DNAH3: variants seen among roughly 807,000 people sequenced by gnomAD.
The protein encoded by DNAH3 is dynein axonemal heavy chain 3.
In DNAH3, 332 loss-of-function variants were observed where a neutral mutation model predicts 432.5. That is an observed-to-expected ratio of 0.77 (90% CI 0.70 to 0.84). DNAH3 has a LOEUF of 0.84. Ranked by LOEUF, DNAH3 falls within the 40% of genes least tolerant of loss-of-function variation. DNAH3 has a pLI of 0.00. For synonymous variants in DNAH3, 1,956 were observed against 1,900.2 expected (o/e 1.03, Z -0.76); for missense variants, 4,861 against 5,114.0 (o/e 0.95, Z 1.51).
intron 32 of DNAH3, among the ~76,000 whole-genome samples, 199 bp from the exon 33 acceptor site, chr16:21,040,142 C>A (rs1340972341): frequency 2.2e-4 from 34 of 152,124 alleles, no homozygotes; most frequent in Admixed American, 2.2e-3. Flanking sequence ...AACCTCCCCA[C>A]TGGCCCTATG....
At chr16:20,960,861 G>C (rs1284012106) in intron 53 of DNAH3, among the ~76,000 whole-genome samples, 2 of 152,212 alleles carry the variant, frequency 1.3e-5, no homozygotes, top group African/African-American at 4.8e-5. Flanking sequence ...ATGAATTTGA[G>C]GAGTGTGAGT....
Position 21,067,243 on chromosome 16 carries a change from G to A in DNAH3, c.3518+40C>T, listed in dbSNP as rs1436876992. On this transcript the variant is annotated intron_variant, in intron 24 of 61. Coordinates refer to ENST00000261383, the Ensembl canonical transcript of DNAH3. ...AAATGTAATTCTACCTACATATGGG[G>A]CAAGAATGTAATTCCAAATAAAAGA... The A allele has an allele frequency of 1.9e-6, 3 of 1,609,430 alleles. No homozygotes were observed. The African/African-American group carries it at 4.0e-5, about 22-fold the overall frequency.
rs778331832 is a variant in DNAH3, at chr16:21,120,844, A to G, written c.1595T>C (p.Ile532Thr). ...AGCAGTGAAGGAGAACTTAAGTGGTATGTATTTCAGCTGTCCCCATACATA... is the reference window on the plus strand; with the variant it reads ...AGCAGTGAAGGAGAACTTAAGTGGTGTGTATTTCAGCTGTCCCCATACATA... Residue 532 changes from isoleucine (I) to threonine (T), a missense_variant, in exon 11 of 62, where the codon ATA (isoleucine) becomes ACA (threonine). Transcript: ENST00000261383. The G allele has an allele frequency of 9.9e-6, 16 of 1,613,612 alleles. No individual in the cohort carries two copies. The highest frequency in any genetic ancestry group is 9.9e-5 in the South Asian group (9 of 91,042).
chr16:21,092,824 A>G (rs748699963), intron 18 of DNAH3, among the ~76,000 whole-genome samples: 1 of 152,094 alleles, frequency 6.6e-6, no homozygotes. Flanking sequence ...AAAAGCTCTG[A>G]ACAAATACCT....
chr16:21,093,724 T>C (rs1226555500), intron 18 of DNAH3, among the ~76,000 whole-genome samples: 1 of 152,206 alleles, frequency 6.6e-6, no homozygotes, highest in African/African-American at 2.4e-5. Context: ...AGTGAAAGGC[T>C]TGACATATAG....
chr16:21,074,809 A>T (rs1328428622), intron 21 of DNAH3, among the ~76,000 whole-genome samples: 2 of 152,228 alleles, frequency 1.3e-5, no homozygotes, highest in Admixed American at 6.5e-5. Context: ...TGCAACCCTC[A>T]TCCCTACCTC....
At chr16:20,945,667 T>A (rs1395888704) in intron 57 of DNAH3, among the ~76,000 whole-genome samples, 2 of 152,170 alleles carry the variant, frequency 1.3e-5, no homozygotes, top group Non-Finnish European at 2.9e-5. Flanking sequence ...ATTTTTTGTA[T>A]TTTTAGTAGC....
chr16:21,026,176 G>A (rs1411395108), intron 38 of DNAH3, among the ~76,000 whole-genome samples: 2 of 152,028 alleles, frequency 1.3e-5, no homozygotes, highest in Non-Finnish European at 2.9e-5. Flanking sequence ...AGAATGGCTG[G>A]CTCTTGGGCA....
chr16:20,948,210 A>G (rs755481892), intron 57 of DNAH3, among the ~76,000 whole-genome samples: 3 of 152,136 alleles, frequency 2.0e-5, no homozygotes, highest in Non-Finnish European at 4.4e-5. Flanking sequence ...GCTCACTTCC[A>G]AGGCTCCATC....
At chr16:21,064,983 T>C (rs929814908) in intron 24 of DNAH3, among the ~76,000 whole-genome samples, 1 of 152,014 alleles carries the variant, frequency 6.6e-6, no homozygotes, top group African/African-American at 2.4e-5. Flanking sequence ...CAATTCTAGC[T>C]TGATCATTTT....
chr16:21,159,276 T>C (rs764731615), intron 1 of DNAH3: 4 of 1,502,118 alleles, frequency 2.7e-6, no homozygotes, highest in Non-Finnish European at 2.8e-6. Context: ...CCCTCTGAGT[T>C]CCCATTATTC....
rs61475224 is a variant in DNAH3 at position 20,984,029 on chromosome 16, G to GAAAAAAAAAAAAA, written c.7665+1035_7665+1047dup. ...GTGACAGAGCAAGACCCTATATCCA[G>GAAAAAAAAAAAAA]AAAAAAAAAAAAAAAAGACAGAAAG... is the stretch of plus-strand genomic sequence containing the variant. On this transcript the variant is annotated intron_variant, in intron 48 of 61. Transcript: ENST00000261383. 3.5e-3 allele frequency among the ~76,000 whole-genome samples: 397 copies of GAAAAAAAAAAAAA among 112,014 alleles called. 4 individuals are homozygous for GAAAAAAAAAAAAA. Among genetic ancestry groups the GAAAAAAAAAAAAA allele is most frequent in the East Asian group, 0.032 (121 of 3,750 alleles). 73.5% of individuals were successfully genotyped at this position (112,014 alleles called of 152,430 possible).
chr16:21,090,055 CATAA>C (rs1462286712), intron 18 of DNAH3, among the ~76,000 whole-genome samples: 1 of 151,360 alleles, frequency 6.6e-6, no homozygotes, highest in African/African-American at 2.4e-5. Flanking sequence ...ACTCAATGTA[CATAA>C]ATTAGACCAT....
chr16:20,972,994 G>A (rs2085414954), intron 51 of DNAH3, among the ~76,000 whole-genome samples: 1 of 152,138 alleles, frequency 6.6e-6, no homozygotes, highest in Non-Finnish European at 1.5e-5. Context: ...CTCCTAAAGT[G>A]TTGGGATTAC....
Position 20,935,491 on chromosome 16 carries a change from G to A in DNAH3, c.11860-6C>T, listed in dbSNP as rs2083554467. On this transcript the variant is annotated splice_region_variant and splice_polypyrimidine_tract_variant and intron_variant, in intron 60 of 61. Coordinates refer to ENST00000261383, the Ensembl canonical transcript of DNAH3. ...GGCCCCTTGTCAATCCATTCCTGGA[G>A]AGCCACAGAAATCAAGATTCAAAAT... is the stretch of plus-strand genomic sequence containing the variant. The A allele has an allele frequency of 2.5e-6, 4 of 1,609,204 alleles. 1 individual carries two copies. Among genetic ancestry groups the A allele is most frequent in the East Asian group, 4.5e-5 (2 of 44,822 alleles).
At chr16:21,141,936 C>T (rs2092724407) in intron 3 of DNAH3, among the ~76,000 whole-genome samples, 1 of 152,074 alleles carries the variant, frequency 6.6e-6, no homozygotes, top group Non-Finnish European at 1.5e-5. Flanking sequence ...CCTGTAGACC[C>T]AGCTACTTGG....
At chr16:21,057,458 T>G (rs858197) in intron 27 of DNAH3, among the ~76,000 whole-genome samples, 37,325 of 152,000 alleles carry the variant, frequency 0.25, 4,922 homozygotes, top group East Asian at 0.46. Context: ...TTATGATGTG[T>G]TGTGACAATT....
chr16:21,025,196 T>A (rs376963164), intron 38 of DNAH3, among the ~76,000 whole-genome samples: 1 of 152,066 alleles, frequency 6.6e-6, no homozygotes, highest in African/African-American at 2.4e-5. Flanking sequence ...CACCTGGGCC[T>A]CCCAAAGCGC....
chr16:21,115,320 A>C (rs1047825282), intron 12 of DNAH3, among the ~76,000 whole-genome samples: 62 of 152,212 alleles, frequency 4.1e-4, no homozygotes, highest in Middle Eastern at 6.8e-3. Context: ...GCAGCACACC[A>C]ACATGACACA....
Sources: gnomAD v4.1 joint callset for allele counts (sites outside exome capture counted in the v4.1 genomes callset) on GRCh38, gnomAD v4.1.1 for gene constraint, MANE v1.5 for transcripts, NCBI Gene and HGNC (gene_info 2026-07-23, HGNC 2026-07-21) for gene names.